ZNF100: variants seen among roughly 807,000 people sequenced by gnomAD.
ZNF100 encodes the protein zinc finger protein 100 (Y1).
Under a neutral mutation model 15.8 loss-of-function variants are expected in ZNF100, and 12 were observed. The ratio of observed to expected loss-of-function variants is 0.76; its 90% CI spans 0.49 to 1.23. The LOEUF is 1.23. ZNF100 is among the 50% of genes most tolerant of loss of function. The pLI, the probability that ZNF100 is intolerant of heterozygous loss-of-function variation, is 0.00. For missense variants in ZNF100, 670 were observed against 635.6 expected, an observed-to-expected ratio of 1.05 and a Z score of -0.58; for synonymous variants, 226 against 214.8, an observed-to-expected ratio of 1.05 and a Z score of -0.45.
chr19:21,738,469 T>C lies in ZNF100; in HGVS notation c.322+5548A>G, dbSNP rs143098649. Among the ~76,000 whole-genome samples, 879 of 151,938 alleles carry C rather than the reference T, an allele frequency of 5.8e-3. 12 individuals carry two copies. The highest frequency in any genetic ancestry group is 0.02 in the African/African-American group (843 of 41,454). On this transcript the variant is annotated intron_variant, in intron 4 of 4. Transcript: ENST00000358296. The stretch of plus-strand genomic sequence containing the variant: ...TGGCACTGGTATAAAAACAGACACA[T>C]AGACCCATGAAACAGAATAGAGAAC...
At chr19:21,734,634 T>C (rs2035977567) in intron 4 of ZNF100, among the ~76,000 whole-genome samples, 1 of 152,154 alleles carries the variant, frequency 6.6e-6, no homozygotes, top group Admixed American at 6.6e-5. Flanking sequence ...GAAAACATAC[T>C]TCAGGATATC....
chr19:21,765,552 G>GC (rs1233258626), intron 2 of ZNF100, 142 bp downstream of exon 2: 43 of 641,790 alleles, frequency 6.7e-5, no homozygotes, highest in Non-Finnish European at 9.9e-5. Flanking sequence ...CTATTTTTCT[G>GC]CCCCCCTTAG....
rs560749540 is a variant in ZNF100 at position 21,747,816 on chromosome 19, T to G, written c.97-2749A>C. On this transcript the variant is annotated intron_variant, in intron 2 of 4. Coordinates refer to ENST00000358296, the MANE Select transcript of ZNF100 (RefSeq NM_173531.4). ...TAATTATTAAGCAGGTACTATGTGC[T>G]CAAGAGTACAATATAGAGCACTGTG... 1.7e-4 allele frequency among the ~76,000 whole-genome samples: 26 copies of G among 152,328 alleles called. 1 individual carries two copies. In the South Asian group the frequency reaches 5.2e-3, roughly 30 times the overall value.
intron 4 of ZNF100, among the ~76,000 whole-genome samples, chr19:21,735,274 C>CATG (rs1324639349): frequency 2.0e-5 from 3 of 152,124 alleles, no homozygotes; most frequent in Admixed American, 2.0e-4. Context: ...GTGGGTGGAT[C>CATG]ATGAGGTCAG....
chr19:21,728,108 A>G, intron 4 of ZNF100, 119 bp from the exon 5 acceptor site: 1 of 948,418 alleles, frequency 1.1e-6, no homozygotes, highest in Non-Finnish European at 1.4e-6. Context: ...AAAGGCCCTC[A>G]TTCCTTTATA....
chr19:21,745,531 T>C (rs77276648), intron 2 of ZNF100, among the ~76,000 whole-genome samples: 3 of 151,692 alleles, frequency 2.0e-5, no homozygotes, highest in Admixed American at 1.3e-4. Flanking sequence ...TTTTTTTTTT[T>C]CTGAGACGGA....
chr19:21,751,973 G>C (rs1423174905), intron 2 of ZNF100: 3 of 402,048 alleles, frequency 7.5e-6, no homozygotes, highest in African/African-American at 6.2e-5. Context: ...AAAGACTGGA[G>C]AAATACCACC....
intron 2 of ZNF100, among the ~76,000 whole-genome samples, chr19:21,748,482 ATC>A (rs2036249429): frequency 6.6e-6 from 1 of 152,224 alleles, no homozygotes; most frequent in Non-Finnish European, 1.5e-5. Context: ...TGTAACTTTA[ATC>A]TATTTTTGCC....
At chr19:21,742,807 A>C (rs117737135) in intron 4 of ZNF100, among the ~76,000 whole-genome samples, 3,114 of 152,312 alleles carry the variant, frequency 0.02, 54 homozygotes, top group South Asian at 0.045. Context: ...ATACAAGTAT[A>C]AACTACTGTT....
intron 2 of ZNF100, among the ~76,000 whole-genome samples, chr19:21,749,155 AC>A (rs1165490299): frequency 2.0e-5 from 3 of 152,202 alleles, no homozygotes; most frequent in Non-Finnish European, 4.4e-5. Context: ...TTTTTGAATG[AC>A]CTTATGAAAT....
intron 4 of ZNF100, among the ~76,000 whole-genome samples, chr19:21,734,202 G>C (rs923663731): frequency 2.0e-5 from 3 of 152,168 alleles, no homozygotes; most frequent in Non-Finnish European, 4.4e-5. Context: ...ACAGAACCGG[G>C]AGAAGCCTGA....
intron 1 of ZNF100, among the ~76,000 whole-genome samples, chr19:21,766,455 T>TA (rs1432863340): frequency 4.6e-5 from 7 of 151,692 alleles, no homozygotes; most frequent in Non-Finnish European, 1.0e-4. Flanking sequence ...ATTTTTTTTT[T>TA]AATTACTACA....
intron 2 of ZNF100, among the ~76,000 whole-genome samples, chr19:21,765,460 T>G (rs943979353): frequency 2.0e-5 from 3 of 152,236 alleles, no homozygotes; most frequent in African/African-American, 7.2e-5. Context: ...GGGTCAGTTC[T>G]GTTGTTGTTT....
chr19:21,730,466 G>GTGTGTC (rs2035896243), intron 4 of ZNF100, among the ~76,000 whole-genome samples: 1 of 151,912 alleles, frequency 6.6e-6, no homozygotes, highest in Admixed American at 6.6e-5. Context: ...GTGTGTGTGT[G>GTGTGTC]TGTGTGTGTG....
At chr19:21,736,326 C>G (rs527601626) in intron 4 of ZNF100, among the ~76,000 whole-genome samples, 23 of 152,264 alleles carry the variant, frequency 1.5e-4, no homozygotes, top group African/African-American at 5.5e-4. Context: ...CTCAGGGGAT[C>G]TGCCTGCCTT....
At chr19:21,755,177 G>T (rs954385611) in intron 2 of ZNF100, among the ~76,000 whole-genome samples, 1 of 151,982 alleles carries the variant, frequency 6.6e-6, no homozygotes, top group Non-Finnish European at 1.5e-5. Flanking sequence ...CAGGCATGGT[G>T]GGGCATGTAA....
intron 2 of ZNF100, among the ~76,000 whole-genome samples, chr19:21,764,327 C>T (rs776695716): frequency 2.0e-5 from 3 of 152,146 alleles, no homozygotes; most frequent in East Asian, 3.9e-4. Context: ...AAGGTGCTTA[C>T]ATTTTATACC....
intron 4 of ZNF100, among the ~76,000 whole-genome samples, chr19:21,738,138 C>T (rs2145704204): frequency 6.6e-6 from 1 of 151,606 alleles, no homozygotes; most frequent in South Asian, 2.1e-4. Context: ...GTGATCCCAG[C>T]TACTCAGGAA....
intron 2 of ZNF100, among the ~76,000 whole-genome samples, chr19:21,764,369 C>G (rs8107583): frequency 6.6e-6 from 1 of 152,018 alleles, no homozygotes; most frequent in Admixed American, 6.6e-5. Flanking sequence ...TCAGGCCGGG[C>G]ATGGTGGCTC....
Sources: gnomAD v4.1 joint callset for allele counts (sites outside exome capture counted in the v4.1 genomes callset) on GRCh38, gnomAD v4.1.1 for gene constraint, MANE v1.5 for transcripts, NCBI Gene and HGNC (gene_info 2026-07-23, HGNC 2026-07-21) for gene names.